Variants in KDSR observed in about 807,000 individuals in gnomAD.
The protein encoded by KDSR is 3-ketodihydrosphingosine reductase.
A neutral mutation model predicts 41.3 loss-of-function variants in KDSR; 23 were observed. The ratio of observed to expected loss-of-function variants is 0.56; its 90% CI spans 0.40 to 0.79. KDSR has a LOEUF of 0.79. Among genes scored for constraint, KDSR ranks in the 30% least tolerant of loss-of-function variants. The pLI, the probability that KDSR is intolerant of heterozygous loss-of-function variation, is 0.00. For synonymous variants in KDSR, 138 were observed against 151.7 expected (o/e 0.91, Z 0.66); for missense variants, 351 against 416.8 (o/e 0.84, Z 1.37).
At position 63,350,906 on chromosome 18, in the gene KDSR, T is replaced by A. The variant is rs766101689; in HGVS notation, c.591A>T (p.Ala197=). Residue 197 remains alanine (A), a synonymous_variant, in exon 6 of 10, where the codon GCA becomes GCT. Transcript: ENST00000645214. ...CTTTTACCTCCATCTGCAAAGCTTC[T>A]GCCAATCCCCTTATGGCAAACTTGG... ...SASKFAIRGL[A]EALQMEVKPY... 7.4e-6 allele frequency: 12 copies of A among 1,612,664 alleles called. No individual in the cohort carries two copies. The highest frequency in any genetic ancestry group is 1.3e-5 in the African/African-American group (1 of 74,918).
At chr18:63,349,278 G>C (rs1347969587) in intron 6 of KDSR, among the ~76,000 whole-genome samples, 1 of 152,278 alleles carries the variant, frequency 6.6e-6, no homozygotes, top group East Asian at 1.9e-4. Flanking sequence ...AGCTACTTGG[G>C]AGGCTGAGAC....
chr18:63,334,049 C>T (rs1022037593), intron 9 of KDSR, among the ~76,000 whole-genome samples: 1 of 152,186 alleles, frequency 6.6e-6, no homozygotes, highest in Non-Finnish European at 1.5e-5. Context: ...CTACTAAGTG[C>T]CAGGCGCTGG....
intron 7 of KDSR, among the ~76,000 whole-genome samples, chr18:63,339,456 G>A (rs1914279213): frequency 6.6e-6 from 1 of 152,222 alleles, no homozygotes; most frequent in South Asian, 2.1e-4. Context: ...GAAACAGAAG[G>A]AGCCACTTAG....
intron 6 of KDSR, among the ~76,000 whole-genome samples, chr18:63,350,309 TC>T (rs1270844204): frequency 6.6e-6 from 1 of 152,220 alleles, no homozygotes; most frequent in East Asian, 1.9e-4. Flanking sequence ...CACAAAATGT[TC>T]CATTAACTAT....
intron 6 of KDSR, among the ~76,000 whole-genome samples, chr18:63,349,879 T>C (rs538675747): frequency 6.6e-6 from 1 of 152,386 alleles, no homozygotes; most frequent in South Asian, 2.1e-4. Context: ...ATAGCCTACT[T>C]AAGTAGCTGT....
chr18:63,366,967 G>T, intron 1 of KDSR, 44 bp downstream of exon 1: 1 of 1,126,018 alleles, frequency 8.9e-7, no homozygotes, highest in Non-Finnish European at 1.2e-6. Context: ...CGGAAAGGCC[G>T]CGCGGGCCGG....
chr18:63,358,875 G>A (rs1914880033), intron 3 of KDSR, among the ~76,000 whole-genome samples: 1 of 146,918 alleles, frequency 6.8e-6, no homozygotes, highest in Non-Finnish European at 1.5e-5. Context: ...GTGCATATAT[G>A]GTAAAATTAA....
intron 3 of KDSR, 146 bp from the exon 4 acceptor site, chr18:63,355,709 T>A: frequency 8.3e-7 from 1 of 1,208,542 alleles, no homozygotes; most frequent in Non-Finnish European, 1.1e-6. Flanking sequence ...ATGATGCAAT[T>A]AGCAGAATCT....
At chr18:63,337,418 T>C (rs1421443372) in intron 8 of KDSR, among the ~76,000 whole-genome samples, 1 of 152,078 alleles carries the variant, frequency 6.6e-6, no homozygotes, top group African/African-American at 2.4e-5. Context: ...GCCCAGCCAT[T>C]TTTGTTATTT....
At chr18:63,358,728 T>G (rs1914872258) in intron 3 of KDSR, among the ~76,000 whole-genome samples, 1 of 147,350 alleles carries the variant, frequency 6.8e-6, no homozygotes, top group African/African-American at 2.5e-5. Flanking sequence ...GGCAGGAGAA[T>G]CGCTTGAACC....
chr18:63,353,404 C>T (rs905234086), intron 5 of KDSR, among the ~76,000 whole-genome samples: 1 of 152,034 alleles, frequency 6.6e-6, no homozygotes, highest in African/African-American at 2.4e-5. Context: ...TAGCAGACCA[C>T]AAAAAACTAA....
At chr18:63,333,968 C>T (rs1174630958) in intron 9 of KDSR, among the ~76,000 whole-genome samples, 2 of 152,232 alleles carry the variant, frequency 1.3e-5, no homozygotes, top group African/African-American at 4.8e-5. Context: ...AGGTGTGAGC[C>T]ACCATGCCAG....
intron 1 of KDSR, among the ~76,000 whole-genome samples, chr18:63,364,546 C>A (rs1426498891): frequency 2.6e-5 from 4 of 151,960 alleles, no homozygotes; most frequent in Admixed American, 2.0e-4. Context: ...CAGGTTCAAG[C>A]GATTCTCTTG....
At chr18:63,358,729 C>T (rs1197130975) in intron 3 of KDSR, among the ~76,000 whole-genome samples, 1 of 141,922 alleles carries the variant, frequency 7.0e-6, no homozygotes, top group Non-Finnish European at 1.5e-5. Context: ...GCAGGAGAAT[C>T]GCTTGAACCC....
rs1384250435 is a variant in KDSR at position 63,327,747 on chromosome 18, T to C, written c.*4035A>G. On this transcript the variant is annotated 3_prime_UTR_variant, in exon 10 of 10. Transcript: ENST00000645214. ...TAAGTTTGCAAATCTGTAAGTCTTG[T>C]TCCCCATTTATTTTTTTGTTGTGAT... 5.5e-6 allele frequency: 1 copy of C among 182,124 alleles called. No homozygotes were observed. Among genetic ancestry groups the C allele is most frequent in the Non-Finnish European group, 1.2e-5 (1 of 85,428 alleles). The allele number at this position is 182,124 out of a possible 1,614,324, so 11.3% of individuals were successfully genotyped here.
At chr18:63,341,561 A>C (rs565982582) in intron 7 of KDSR, among the ~76,000 whole-genome samples, 4 of 152,238 alleles carry the variant, frequency 2.6e-5, no homozygotes, top group African/African-American at 9.6e-5. Context: ...TCCAGAGAGA[A>C]TGAACACTTG....
rs1416441876 is a variant in KDSR at position 63,361,518 on chromosome 18, G to T, written c.198+1261C>A. Among the ~76,000 whole-genome samples the T allele has an allele frequency of 6.9e-4, 105 of 152,102 alleles. 1 individual carries two copies. Among genetic ancestry groups the T allele is most frequent in the Non-Finnish European group, 2.8e-4 (19 of 68,000 alleles). The stretch of plus-strand genomic sequence containing the variant: ...ATTTTGTCTTTCTTGGTTTGCAAAA[G>T]AAGTTATAGACGTCCAGGCCAGGTG... On this transcript the variant is annotated intron_variant, in intron 2 of 9. Coordinates refer to ENST00000645214, the MANE Select transcript of KDSR (RefSeq NM_002035.4).
At chr18:63,364,605 A>T (rs960309263) in intron 1 of KDSR, among the ~76,000 whole-genome samples, 1 of 152,108 alleles carries the variant, frequency 6.6e-6, no homozygotes, top group South Asian at 2.1e-4. Flanking sequence ...CAGCACGCCC[A>T]ACTAATTTTT....
chr18:63,340,586 G>A (rs146009192), intron 7 of KDSR, among the ~76,000 whole-genome samples: 8 of 152,336 alleles, frequency 5.3e-5, no homozygotes, highest in African/African-American at 1.7e-4. Context: ...ACTACTATGT[G>A]TCAAGGCAAA....
Sources: allele counts gnomAD v4.1 joint callset (sites outside exome capture counted in the v4.1 genomes callset), GRCh38; gene constraint gnomAD v4.1.1; transcripts MANE v1.5; gene names NCBI Gene and HGNC (gene_info 2026-07-23, HGNC 2026-07-21).